The following PARVB variants were observed in gnomAD, a reference collection of about 807,000 sequenced individuals.
The protein encoded by PARVB is parvin beta.
PARVB carries 46 observed loss-of-function variants against 47.0 expected under a neutral mutation model. The ratio of observed to expected loss-of-function variants is 0.98; its 90% confidence interval spans 0.77 to 1.25. PARVB has a LOEUF of 1.25. Ranked by LOEUF, PARVB falls within the 50% of genes most tolerant of loss-of-function variation. The pLI is 0.00. For synonymous variants in PARVB, 196 were observed against 196.3 expected (o/e 1.00, Z 0.01); for missense variants, 473 against 471.6 (o/e 1.00, Z -0.03).
At chr22:44,052,257 G>A (rs2051223591) in intron 1 of PARVB, among the ~76,000 whole-genome samples, 1 of 152,210 alleles carries the variant, frequency 6.6e-6, no homozygotes, top group Non-Finnish European at 1.5e-5. Context: ...TAAGCTGGAA[G>A]TGCAACATGA....
intron 6 of PARVB, 34 bp downstream of exon 6, chr22:44,133,043 C>A: frequency 1.4e-6 from 2 of 1,477,012 alleles, no homozygotes; most frequent in Non-Finnish European, 1.9e-6. Flanking sequence ...CTGCCTGTAA[C>A]TCCGCCAGAG....
At chr22:44,035,836 C>T (rs967911286) in intron 1 of PARVB, among the ~76,000 whole-genome samples, 26 of 151,310 alleles carry the variant, frequency 1.7e-4, no homozygotes, top group African/African-American at 4.6e-4. Context: ...TTTACTGGAG[C>T]GGTGAACTGC....
chr22:44,056,240 G>T (rs1461450667), intron 1 of PARVB, among the ~76,000 whole-genome samples: 1 of 152,224 alleles, frequency 6.6e-6, no homozygotes, highest in East Asian at 1.9e-4. Flanking sequence ...GTGTGGCCGT[G>T]TGGGATCCCA....
intron 1 of PARVB, among the ~76,000 whole-genome samples, chr22:44,025,823 C>T (rs931293711): frequency 2.3e-4 from 35 of 152,218 alleles, no homozygotes; most frequent in Non-Finnish European, 3.8e-4. Flanking sequence ...ACGCAAGTGA[C>T]GCTCCCCTCC....
chr22:44,076,730 C>T (rs1032709304), intron 1 of PARVB, among the ~76,000 whole-genome samples: 1 of 152,046 alleles, frequency 6.6e-6, no homozygotes, highest in African/African-American at 2.4e-5. Flanking sequence ...AGGGTGCCTG[C>T]CCCTTTCTCA....
intron 11 of PARVB, among the ~76,000 whole-genome samples, chr22:44,163,579 G>A (rs949626117): frequency 1.3e-5 from 2 of 152,196 alleles, no homozygotes; most frequent in South Asian, 4.1e-4. Flanking sequence ...CTTGGTGGCC[G>A]TGAGCCCTCG....
At chr22:44,140,729 A>T in intron 8 of PARVB, 1 of 388,562 alleles carries the variant, frequency 2.6e-6, no homozygotes, top group Non-Finnish European at 5.2e-6. Context: ...ATTGGGTGAG[A>T]TCACAGGTGA....
At chr22:44,131,689 C>A in intron 5 of PARVB, 62 bp downstream of exon 5, 1 of 1,510,932 alleles carries the variant, frequency 6.6e-7, no homozygotes, top group Non-Finnish European at 8.9e-7. Flanking sequence ...CGACATTCGT[C>A]ATCCACATTT....
Position 44,103,619 on chromosome 22 carries a change from G to A in PARVB, c.273+3496G>A, listed in dbSNP as rs1246982795. 2 of 152,252 alleles carry A rather than the reference G, an allele frequency of 1.3e-5. No individual in the cohort carries two copies. The highest frequency in any genetic ancestry group is 3.9e-4 in the East Asian group (2 of 5,192). The allele number at this position is 152,252 out of a possible 1,614,324, so 9.4% of individuals were successfully genotyped here. On this transcript the variant is annotated intron_variant, in intron 3 of 12. Coordinates refer to ENST00000338758, the MANE Select transcript of PARVB (RefSeq NM_013327.5). This position sits in a 1 kb window ranked among gnomAD's most constrained non-coding sequence, Gnocchi z 4.6. The stretch of plus-strand genomic sequence containing the variant: ...ATGGCAAAGGGACATGGTGGGTGTA[G>A]TTAGTGACCTTGCAATGAGGAGGTC...
intron 1 of PARVB, among the ~76,000 whole-genome samples, chr22:44,052,900 G>A (rs2051237270): frequency 1.3e-5 from 2 of 152,134 alleles, no homozygotes; most frequent in African/African-American, 2.4e-5. Context: ...CTGTGATTGT[G>A]CCACTGCACC....
intron 1 of PARVB, among the ~76,000 whole-genome samples, chr22:44,054,716 C>T (rs2051272172): frequency 6.6e-6 from 1 of 151,872 alleles, no homozygotes; most frequent in South Asian, 2.1e-4. Context: ...TAGCCGGGTG[C>T]GGTGGCTCAC....
chr22:44,133,146 G>A (rs2053367437), intron 6 of PARVB, 137 bp downstream of exon 6: 4 of 565,988 alleles, frequency 7.1e-6, no homozygotes, highest in Non-Finnish European at 9.4e-6. Context: ...GACAAAATGT[G>A]TGTCTCACCC....
intron 11 of PARVB, among the ~76,000 whole-genome samples, chr22:44,163,336 G>C (rs1601707477): frequency 6.6e-6 from 1 of 152,208 alleles, no homozygotes; most frequent in Admixed American, 6.5e-5. Flanking sequence ...AAATTAGCCG[G>C]GCACAGTGAT....
At chr22:44,029,610 T>C (rs1234558656) in intron 1 of PARVB, among the ~76,000 whole-genome samples, 1 of 151,770 alleles carries the variant, frequency 6.6e-6, no homozygotes, top group African/African-American at 2.4e-5. Context: ...ACCCGGTCTC[T>C]ACTAAAAATA....
At chr22:44,008,760 C>T (rs1025743573) in intron 2 of PARVB, among the ~76,000 whole-genome samples, 2 of 151,524 alleles carry the variant, frequency 1.3e-5, no homozygotes, top group Admixed American at 6.6e-5. Flanking sequence ...CCGAGGCAGG[C>T]GGATCACGAG....
chr22:44,093,532 G>A (rs568555777), intron 1 of PARVB, among the ~76,000 whole-genome samples: 10 of 152,188 alleles, frequency 6.6e-5, no homozygotes, highest in Admixed American at 2.6e-4. Flanking sequence ...GGTTCAGGAC[G>A]CAGCCCCCCG....
At chr22:44,078,597 A>G (rs951471067) in intron 1 of PARVB, among the ~76,000 whole-genome samples, 3 of 152,216 alleles carry the variant, frequency 2.0e-5, no homozygotes, top group Admixed American at 2.0e-4. Context: ...TTACCTAATC[A>G]CATCTACAAA....
Position 44,070,779 on chromosome 22 carries a change from C to T in PARVB, c.113-23149C>T, listed in dbSNP as rs992873711. ...GCGGGATGGGGTGGATGGGGCTTGG[C>T]GGCTGGAGGAGGGTAGACCCTGCCC... On this transcript the variant is annotated intron_variant, in intron 1 of 12. Coordinates refer to ENST00000338758, the MANE Select transcript of PARVB (RefSeq NM_013327.5). 2.6e-5 allele frequency among the ~76,000 whole-genome samples: 4 copies of T among 152,274 alleles called. 1 individual carries two copies. The highest frequency in any genetic ancestry group is 3.9e-4 in the East Asian group (2 of 5,178).
At chr22:44,057,177 T>G (rs1461008613) in intron 1 of PARVB, among the ~76,000 whole-genome samples, 1 of 151,960 alleles carries the variant, frequency 6.6e-6, no homozygotes, top group African/African-American at 2.4e-5. Context: ...ATTAAACACA[T>G]TTAAGAGTAA....
Sources: gnomAD v4.1 joint callset for allele counts (sites outside exome capture counted in the v4.1 genomes callset) on GRCh38, gnomAD v4.1.1 for gene constraint, Gnocchi (gnomAD v3.1) non-coding constraint, MANE v1.5 for transcripts, NCBI Gene and HGNC (gene_info 2026-07-23, HGNC 2026-07-21) for gene names.